The following STK3 variants were observed in gnomAD, a reference collection of about 807,000 sequenced individuals.
STK3 encodes serine/threonine kinase 3.
STK3 carries 41 observed loss-of-function variants against 58.0 expected under a neutral mutation model. The ratio of observed to expected loss-of-function variants is 0.71; its 90% confidence interval spans 0.55 to 0.92. The LOEUF (loss-of-function observed/expected upper bound fraction) is 0.92, where lower values mean the gene tolerates loss of function less well. Ranked by LOEUF, STK3 falls within the 40% of genes least tolerant of loss-of-function variation. STK3 has a pLI of 0.00. For synonymous variants in STK3, 170 were observed against 191.0 expected (o/e 0.89, Z 0.91); for missense variants, 479 against 602.7 (o/e 0.79, Z 2.15).
chr8:98,573,149 G>C (rs1338476088), intron 8 of STK3, among the ~76,000 whole-genome samples: 1 of 152,178 alleles, frequency 6.6e-6, no homozygotes, highest in Non-Finnish European at 1.5e-5. Context: ...CAGCCTTTAA[G>C]AAAGTTTCAG....
chr8:98,546,146 CA>C (rs758936059), intron 9 of STK3, among the ~76,000 whole-genome samples: 8 of 152,134 alleles, frequency 5.3e-5, no homozygotes, highest in Non-Finnish European at 1.2e-4. Context: ...TGTTCAACTT[CA>C]AAATTGGTTT....
intron 10 of STK3, among the ~76,000 whole-genome samples, chr8:98,495,556 T>C (rs959005425): frequency 6.6e-6 from 1 of 152,244 alleles, no homozygotes; most frequent in African/African-American, 2.4e-5. Flanking sequence ...CTTCTGTTTT[T>C]AATTACATAC....
intron 1 of STK3, among the ~76,000 whole-genome samples, chr8:98,919,151 G>T (rs958063376): frequency 3.3e-5 from 5 of 152,148 alleles, no homozygotes; most frequent in African/African-American, 1.2e-4. Context: ...CAGGCCCCAG[G>T]GGATAAGAGT....
chr8:98,732,648 T>A (rs1828290452), intron 4 of STK3, among the ~76,000 whole-genome samples: 1 of 151,968 alleles, frequency 6.6e-6, no homozygotes, highest in African/African-American at 2.4e-5. Context: ...ACAGGAAATA[T>A]CCTTTTTTTA....
At chr8:98,804,189 A>G (rs1833764013) in intron 1 of STK3, among the ~76,000 whole-genome samples, 2 of 151,822 alleles carry the variant, frequency 1.3e-5, no homozygotes, top group Admixed American at 6.6e-5. Flanking sequence ...TTTAGTAGAG[A>G]TGGGGTTTCA....
chr8:98,585,332 G>C (rs1372001548), intron 7 of STK3, among the ~76,000 whole-genome samples: 1 of 152,150 alleles, frequency 6.6e-6, no homozygotes, highest in East Asian at 1.9e-4. Context: ...AATTTTCCCA[G>C]CACCATTTAT....
chr8:98,474,135 C>G (rs1350240482), intron 10 of STK3, among the ~76,000 whole-genome samples: 2 of 152,166 alleles, frequency 1.3e-5, no homozygotes, highest in East Asian at 3.8e-4. Context: ...GGTGTTCATA[C>G]TACTTACCAA....
At chr8:98,439,257 A>C (rs977912408) in intron 1 of STK3, 3 of 152,174 alleles carry the variant, frequency 2.0e-5, no homozygotes, top group African/African-American at 7.2e-5. Flanking sequence ...AAATGAAACG[A>C]GGTCAGAAGG....
At chr8:98,507,430 A>G (rs558784949) in intron 10 of STK3, among the ~76,000 whole-genome samples, 26 of 152,342 alleles carry the variant, frequency 1.7e-4, no homozygotes, top group African/African-American at 6.3e-4. Context: ...TTAAAAAGTT[A>G]TCAGGAACCT....
chr8:98,479,902 A>G (rs1005771957), intron 10 of STK3, among the ~76,000 whole-genome samples: 1 of 152,216 alleles, frequency 6.6e-6, no homozygotes, highest in Non-Finnish European at 1.5e-5. Flanking sequence ...GAAATATAAC[A>G]ACAACAAAAA....
At chr8:98,840,742 C>G (rs931221036) in intron 3 of STK3, among the ~76,000 whole-genome samples, 1 of 151,604 alleles carries the variant, frequency 6.6e-6, no homozygotes, top group Non-Finnish European at 1.5e-5. Context: ...AACCATTTAA[C>G]ATTTATTACC....
chr8:98,897,087 C>T (rs915677782), intron 1 of STK3, among the ~76,000 whole-genome samples: 13 of 151,922 alleles, frequency 8.6e-5, no homozygotes, highest in Admixed American at 7.9e-4. Flanking sequence ...ACAGATACAC[C>T]TCCACTAGAA....
At chr8:98,498,322 A>G (rs1385193270) in intron 10 of STK3, among the ~76,000 whole-genome samples, 1 of 152,066 alleles carries the variant, frequency 6.6e-6, no homozygotes, top group Non-Finnish European at 1.5e-5. Flanking sequence ...AGAGGAGAGG[A>G]GAACTCTCAG....
intron 6 of STK3, among the ~76,000 whole-genome samples, chr8:98,618,138 G>A (rs940565067): frequency 6.6e-6 from 1 of 151,800 alleles, no homozygotes; most frequent in African/African-American, 2.4e-5. Flanking sequence ...CTTCATCCCT[G>A]GGATGCAAGG....
intron 6 of STK3, among the ~76,000 whole-genome samples, chr8:98,634,454 C>T (rs1451461361): frequency 2.0e-5 from 3 of 152,036 alleles, no homozygotes; most frequent in South Asian, 2.1e-4. Flanking sequence ...GAGCGGAGAT[C>T]GTGCCACTGC....
chr8:98,743,686 A>C (rs1829415428), intron 4 of STK3, among the ~76,000 whole-genome samples: 1 of 152,148 alleles, frequency 6.6e-6, no homozygotes, highest in African/African-American at 2.4e-5. Context: ...CAAGGACTTC[A>C]TGTCTAAAAC....
chr8:98,729,541 T>C (rs1828025291), intron 4 of STK3, among the ~76,000 whole-genome samples: 1 of 152,222 alleles, frequency 6.6e-6, no homozygotes, highest in Non-Finnish European at 1.5e-5. Flanking sequence ...ATACTAAGAT[T>C]CTATCCTTGG....
At chr8:98,598,689 T>A in intron 6 of STK3, 1 of 985,394 alleles carries the variant, frequency 1.0e-6, no homozygotes. Context: ...TTCATTCCCT[T>A]GCCACCAACC....
At chr8:98,381,504 AG>A (rs1397629557) in intron 1 of STK3, among the ~76,000 whole-genome samples, 1 of 152,202 alleles carries the variant, frequency 6.6e-6, no homozygotes, top group African/African-American at 2.4e-5. Context: ...CACTTGGGTT[AG>A]GGGATAGAGC....
Sources: gnomAD v4.1 joint callset for allele counts (sites outside exome capture counted in the v4.1 genomes callset) on GRCh38, gnomAD v4.1.1 for gene constraint, MANE v1.5 for transcripts, NCBI Gene and HGNC (gene_info 2026-07-23, HGNC 2026-07-21) for gene names.